The following TBC1D5 variants were observed in gnomAD, a reference collection of about 807,000 sequenced individuals.
TBC1D5 encodes TBC1 domain family, member 5.
TBC1D5 carries 75 observed loss-of-function variants against 100.3 expected under a neutral mutation model. That is an observed-to-expected ratio of 0.75 (90% CI 0.62 to 0.91). The LOEUF is 0.91. TBC1D5 is among the 40% of genes least tolerant of loss of function. The pLI, the probability that TBC1D5 is intolerant of heterozygous loss-of-function variation, is 0.00. For synonymous variants in TBC1D5, 323 were observed against 325.6 expected, an observed-to-expected ratio of 0.99 and a Z score of 0.09; for missense variants, 910 against 942.4, an observed-to-expected ratio of 0.97 and a Z score of 0.45.
chr3:17,453,432 T>C (rs993619088), intron 3 of TBC1D5, among the ~76,000 whole-genome samples: 2 of 151,848 alleles, frequency 1.3e-5, no homozygotes, highest in Non-Finnish European at 1.5e-5. Flanking sequence ...AGAAAAATAA[T>C]GGAGAAGACT....
At chr3:17,374,775 T>A in intron 10 of TBC1D5, 96 bp from the exon 11 acceptor site, 1 of 1,208,554 alleles carries the variant, frequency 8.3e-7, no homozygotes, top group Non-Finnish European at 1.2e-6. Context: ...TTTCATATAA[T>A]ATGCAAACGA....
chr3:17,420,977 A>G (rs2094193864), intron 4 of TBC1D5, among the ~76,000 whole-genome samples: 1 of 152,238 alleles, frequency 6.6e-6, no homozygotes, highest in Admixed American at 6.5e-5. Context: ...AAGGGCTTGA[A>G]GGGGTTTCTA....
chr3:17,731,373 C>T (rs1382260738), intron 1 of TBC1D5, among the ~76,000 whole-genome samples: 6 of 151,884 alleles, frequency 4.0e-5, no homozygotes, highest in Non-Finnish European at 5.9e-5. Flanking sequence ...TGGTGGCACA[C>T]GCCTATAGTC....
chr3:17,362,106 A>G (rs77634327), intron 13 of TBC1D5, among the ~76,000 whole-genome samples: 13,649 of 152,128 alleles, frequency 0.09, 1,410 homozygotes, highest in African/African-American at 0.25. Flanking sequence ...AAAAGAAAAA[A>G]AGTTGACCAA....
intron 2 of TBC1D5, among the ~76,000 whole-genome samples, chr3:17,553,359 A>G (rs2096489360): frequency 6.6e-6 from 1 of 152,232 alleles, no homozygotes; most frequent in Admixed American, 6.5e-5. Flanking sequence ...ACACATTAGT[A>G]GTAACACTGG....
At chr3:17,669,753 T>A (rs1157754846) in intron 1 of TBC1D5, among the ~76,000 whole-genome samples, 4 of 152,256 alleles carry the variant, frequency 2.6e-5, no homozygotes, top group Non-Finnish European at 5.9e-5. Context: ...CTGGCACATA[T>A]AACCTTTAAT....
At chr3:17,312,978 T>C (rs2150698849) in intron 13 of TBC1D5, among the ~76,000 whole-genome samples, 1 of 152,342 alleles carries the variant, frequency 6.6e-6, no homozygotes, top group South Asian at 2.1e-4. Context: ...GATGTATGCC[T>C]GCTATTTGGC....
chr3:17,157,656 A>G (rs1353329332), exon 22 of TBC1D5: 1 of 152,276 alleles, frequency 6.6e-6, no homozygotes, highest in East Asian at 1.9e-4. Flanking sequence ...GTGGGGACCT[A>G]AGTCCTCCGT....
intron 1 of TBC1D5, among the ~76,000 whole-genome samples, chr3:17,660,126 G>A (rs2153740440): frequency 6.6e-6 from 1 of 152,198 alleles, no homozygotes; most frequent in East Asian, 1.9e-4. Context: ...GAAAGCCCAA[G>A]CAACTACAAA....
intron 3 of TBC1D5, among the ~76,000 whole-genome samples, chr3:17,505,578 A>C (rs773976226): frequency 5.3e-5 from 8 of 152,190 alleles, no homozygotes; most frequent in Non-Finnish European, 8.8e-5. Context: ...CCAATCTCTT[A>C]TAAGCTTGTG....
chr3:17,410,889 A>G (rs2093905407), intron 4 of TBC1D5, among the ~76,000 whole-genome samples: 1 of 152,134 alleles, frequency 6.6e-6, no homozygotes, highest in African/African-American at 2.4e-5. Context: ...AATGATATCA[A>G]AGAATTTAGA....
chr3:17,455,342 A>ATATATG (rs201845046), intron 3 of TBC1D5, among the ~76,000 whole-genome samples: 3 of 146,576 alleles, frequency 2.0e-5, no homozygotes, highest in Admixed American at 6.8e-5. Context: ...ATGTATATGT[A>ATATATG]TATATGTATA....
intron 15 of TBC1D5, among the ~76,000 whole-genome samples, chr3:17,266,609 C>A (rs2078878568): frequency 6.6e-6 from 1 of 151,838 alleles, no homozygotes. Flanking sequence ...AAAATAAAAC[C>A]TAGTTTTTGT....
chr3:17,360,292 T>C (rs921706695), intron 13 of TBC1D5, among the ~76,000 whole-genome samples: 2 of 152,064 alleles, frequency 1.3e-5, no homozygotes, highest in Non-Finnish European at 2.9e-5. Context: ...TGTATACTTA[T>C]GTTCAAAGAA....
chr3:17,404,579 A>G, intron 7 of TBC1D5, 115 bp downstream of exon 7: 1 of 905,878 alleles, frequency 1.1e-6, no homozygotes, highest in Non-Finnish European at 1.7e-6. Context: ...CTGTATGTGG[A>G]ATAAAGAAAA....
intron 19 of TBC1D5, among the ~76,000 whole-genome samples, chr3:17,169,320 A>C (rs922089195): frequency 6.6e-6 from 1 of 152,208 alleles, no homozygotes; most frequent in African/African-American, 2.4e-5. Context: ...GAATTAATAA[A>C]TGAACATGAA....
chr3:17,234,146 A>G (rs909284251), intron 17 of TBC1D5, among the ~76,000 whole-genome samples: 1 of 152,102 alleles, frequency 6.6e-6, no homozygotes, highest in African/African-American at 2.4e-5. Context: ...ATTTCCTCCT[A>G]TATCAGACAA....
At chr3:17,731,740 T>A (rs1379167726) in intron 1 of TBC1D5, among the ~76,000 whole-genome samples, 1 of 151,930 alleles carries the variant, frequency 6.6e-6, no homozygotes, top group Non-Finnish European at 1.5e-5. Context: ...CAGGGTTGAG[T>A]TTGATGCCTG....
chr3:17,580,038 T>C (rs965269042), intron 2 of TBC1D5, among the ~76,000 whole-genome samples: 2 of 152,154 alleles, frequency 1.3e-5, no homozygotes, highest in Non-Finnish European at 2.9e-5. Flanking sequence ...TTTTTACAAT[T>C]ACAATTTCAC....
Sources: allele counts gnomAD v4.1 joint callset (sites outside exome capture counted in the v4.1 genomes callset), GRCh38; gene constraint gnomAD v4.1.1; transcripts MANE v1.5; gene names NCBI Gene and HGNC (gene_info 2026-07-23, HGNC 2026-07-21).